Variants in ARHGAP42 observed in about 807,000 individuals in gnomAD.
The protein encoded by ARHGAP42 is Rho GTPase activating protein 42.
Under a neutral mutation model 125.0 loss-of-function variants are expected in ARHGAP42, and 63 were observed. That is an observed-to-expected ratio of 0.50 (90% confidence interval 0.41 to 0.62). The LOEUF (loss-of-function observed/expected upper bound fraction) is 0.62. ARHGAP42 is among the 20% of genes least tolerant of loss of function. The pLI, the probability that ARHGAP42 is intolerant of heterozygous loss-of-function variation, is 0.00. For missense variants in ARHGAP42, 766 were observed against 1,024.2 expected (o/e 0.75, Z 3.44); for synonymous variants, 339 against 351.0 (o/e 0.97, Z 0.38).
At chr11:100,741,065 C>T (rs1400736648) in intron 1 of ARHGAP42, among the ~76,000 whole-genome samples, 3 of 152,116 alleles carry the variant, frequency 2.0e-5, no homozygotes, top group African/African-American at 7.2e-5. Flanking sequence ...AAATCTCACG[C>T]TGTCTCCAAG....
chr11:100,861,987 T>A (rs777848285), intron 4 of ARHGAP42, among the ~76,000 whole-genome samples: 8 of 151,886 alleles, frequency 5.3e-5, no homozygotes, highest in Non-Finnish European at 1.2e-4. Context: ...GGAAAGAAAG[T>A]TAGGAAAGGA....
chr11:100,698,474 A>C (rs1398898346), intron 1 of ARHGAP42, among the ~76,000 whole-genome samples: 4 of 152,180 alleles, frequency 2.6e-5, no homozygotes. Context: ...CTGTCTTAAA[A>C]AAAGGTCATT....
chr11:100,713,889 T>C (rs1861605643), intron 1 of ARHGAP42, among the ~76,000 whole-genome samples: 3 of 152,228 alleles, frequency 2.0e-5, no homozygotes. Context: ...CATATGTTTG[T>C]ATTTCTAATG....
chr11:100,773,190 TTC>T (rs1235013529), intron 2 of ARHGAP42, among the ~76,000 whole-genome samples: 14 of 152,170 alleles, frequency 9.2e-5, no homozygotes, highest in Non-Finnish European at 1.9e-4. Context: ...CCAGATTTTT[TTC>T]TTTTTCAACC....
At position 100,769,471 on chromosome 11, in the gene ARHGAP42, G is replaced by A. The variant is rs549057155; in HGVS notation, c.155-872G>A. 3.3e-5 allele frequency among the ~76,000 whole-genome samples: 5 copies of A among 152,212 alleles called. No individual in the cohort carries two copies. The South Asian group carries it at 8.3e-4, about 25-fold the overall frequency. ...ATAAAGAATTCTTTTTCTGGGTTTA[G>A]TCAGACTCTGGGCCTTGTTCAGACT... On this transcript the variant is annotated intron_variant, in intron 1 of 23. Coordinates refer to ENST00000298815, the MANE Select transcript of ARHGAP42 (RefSeq NM_152432.4).
At chr11:100,729,395 T>C (rs951261098) in intron 1 of ARHGAP42, among the ~76,000 whole-genome samples, 7 of 152,078 alleles carry the variant, frequency 4.6e-5, no homozygotes, top group African/African-American at 1.7e-4. Flanking sequence ...AATTAAAGCA[T>C]AAGAAAACTG....
At chr11:100,807,052 TGGCCA>T (rs1385055581) in intron 3 of ARHGAP42, among the ~76,000 whole-genome samples, 1 of 152,152 alleles carries the variant, frequency 6.6e-6, no homozygotes, top group Non-Finnish European at 1.5e-5. Context: ...TTCACCGTGT[TGGCCA>T]GGCTGGTCTC....
At chr11:100,866,178 C>G (rs774059399) in intron 4 of ARHGAP42, among the ~76,000 whole-genome samples, 2 of 152,154 alleles carry the variant, frequency 1.3e-5, no homozygotes, top group Non-Finnish European at 2.9e-5. Flanking sequence ...AGAAGCAACT[C>G]CTCATCCTTT....
chr11:100,787,216 T>C (rs1863458081), intron 2 of ARHGAP42, among the ~76,000 whole-genome samples: 1 of 151,164 alleles, frequency 6.6e-6, no homozygotes, highest in Admixed American at 6.6e-5. Flanking sequence ...AGGCAGAGCT[T>C]GCAGTGAGCC....
rs1333714142 is a variant in ARHGAP42, at chr11:100,992,333, C to T, written c.*3532C>T. ...CATGACCTCACATCACTGCGTAGGA[C>T]CCGGAAATCACATCTCCTGGTCAGG... On this transcript the variant is annotated 3_prime_UTR_variant, in exon 24 of 24. Coordinates refer to ENST00000298815, the MANE Select transcript of ARHGAP42 (RefSeq NM_152432.4). The T allele has an allele frequency of 1.2e-6, 2 of 1,609,970 alleles. No individual in the cohort carries two copies. The highest frequency in any genetic ancestry group is 1.3e-5 in the African/African-American group (1 of 74,788).
At chr11:100,905,512 A>G (rs1866702440) in intron 4 of ARHGAP42, among the ~76,000 whole-genome samples, 1 of 152,218 alleles carries the variant, frequency 6.6e-6, no homozygotes, top group Admixed American at 6.5e-5. Flanking sequence ...ACATTTTTTA[A>G]AAGATCAACG....
At chr11:100,699,402 T>G (rs900612911) in intron 1 of ARHGAP42, among the ~76,000 whole-genome samples, 1 of 149,456 alleles carries the variant, frequency 6.7e-6, no homozygotes, top group African/African-American at 2.5e-5. Context: ...TTTGATTTTC[T>G]CTGTCTGCAT....
At chr11:100,702,046 AG>A (rs1338681239) in intron 1 of ARHGAP42, among the ~76,000 whole-genome samples, 1 of 152,010 alleles carries the variant, frequency 6.6e-6, no homozygotes, top group Non-Finnish European at 1.5e-5. Context: ...GCACTTTGGG[AG>A]GCCAAGGTGG....
chr11:100,939,946 T>A (rs1867831733), intron 8 of ARHGAP42, among the ~76,000 whole-genome samples: 1 of 152,190 alleles, frequency 6.6e-6, no homozygotes, highest in Non-Finnish European at 1.5e-5. Flanking sequence ...TATTGCTACC[T>A]ACATAATGAA....
intron 1 of ARHGAP42, among the ~76,000 whole-genome samples, chr11:100,702,602 G>A (rs558014418): frequency 1.9e-4 from 29 of 149,822 alleles, no homozygotes; most frequent in Non-Finnish European, 3.0e-5. Context: ...AATAAAATGA[G>A]GTTTGCCTGT....
intron 1 of ARHGAP42, among the ~76,000 whole-genome samples, chr11:100,751,157 T>C (rs1862442907): frequency 1.3e-5 from 2 of 152,076 alleles, no homozygotes; most frequent in African/African-American, 4.8e-5. Flanking sequence ...CAGGCTAGTC[T>C]TGAACTCCTG....
intron 1 of ARHGAP42, among the ~76,000 whole-genome samples, chr11:100,728,903 G>T (rs764477027): frequency 2.6e-5 from 4 of 151,716 alleles, no homozygotes; most frequent in Admixed American, 6.6e-5. Flanking sequence ...TGGGTAGCTG[G>T]GATCACAGGC....
chr11:100,753,688 C>T (rs569038772), intron 1 of ARHGAP42, among the ~76,000 whole-genome samples: 1 of 152,218 alleles, frequency 6.6e-6, no homozygotes, highest in African/African-American at 2.4e-5. Flanking sequence ...GAAGTGCGTG[C>T]AAGGCTCTTC....
At chr11:100,963,777 T>G (rs903826285) in intron 16 of ARHGAP42, among the ~76,000 whole-genome samples, 2 of 152,192 alleles carry the variant, frequency 1.3e-5, no homozygotes, top group Admixed American at 1.3e-4. Flanking sequence ...GCAAGTAACA[T>G]GTACAATGAC....
Sources: gnomAD v4.1 joint callset for allele counts (sites outside exome capture counted in the v4.1 genomes callset) on GRCh38, gnomAD v4.1.1 for gene constraint, MANE v1.5 for transcripts, NCBI Gene and HGNC (gene_info 2026-07-23, HGNC 2026-07-21) for gene names.